SRPK2: variants seen among roughly 807,000 people sequenced by gnomAD.
SRPK2 encodes the protein SFRS protein kinase 2.
A neutral mutation model predicts 90.8 loss-of-function variants in SRPK2; 21 were observed. The observed-to-expected ratio is 0.23, with a 90% confidence interval of 0.16 to 0.33. SRPK2 has a LOEUF of 0.33. SRPK2 is among the 10% of genes least tolerant of loss of function. The probability of loss-of-function intolerance (pLI) is 1.00; values close to 1 mark genes in which losing one functional copy is unlikely to be tolerated. For missense variants in SRPK2, 620 were observed against 869.0 expected, an observed-to-expected ratio of 0.71 and a Z score of 3.60; for synonymous variants, 288 against 311.1, an observed-to-expected ratio of 0.93 and a Z score of 0.78.
At chr7:105,271,915 T>G (rs1351546432) in intron 2 of SRPK2, among the ~76,000 whole-genome samples, 3 of 152,214 alleles carry the variant, frequency 2.0e-5, no homozygotes, top group Non-Finnish European at 2.9e-5. Flanking sequence ...CCTGATAAAC[T>G]TAGAAACAAA....
At chr7:105,291,059 A>G (rs1448798774) in intron 2 of SRPK2, among the ~76,000 whole-genome samples, 3 of 151,158 alleles carry the variant, frequency 2.0e-5, no homozygotes, top group Non-Finnish European at 3.0e-5. Context: ...AAAAAAAAAA[A>G]AAAAAAGAAA....
chr7:105,373,271 C>G (rs949957145), intron 2 of SRPK2, among the ~76,000 whole-genome samples: 1 of 151,968 alleles, frequency 6.6e-6, no homozygotes, highest in African/African-American at 2.4e-5. Flanking sequence ...TATCTGAAGG[C>G]CATCAACGAT....
intron 3 of SRPK2, among the ~76,000 whole-genome samples, chr7:105,201,298 G>A (rs1294524833): frequency 6.6e-6 from 1 of 152,140 alleles, no homozygotes; most frequent in Non-Finnish European, 1.5e-5. Context: ...AAATTTGGGG[G>A]GGGCTGGCAC....
chr7:105,390,466 T>C (rs987690127), upstream of SRPK2, among the ~76,000 whole-genome samples: 3 of 152,166 alleles, frequency 2.0e-5, no homozygotes, highest in African/African-American at 7.2e-5. Flanking sequence ...TCTCACTCTA[T>C]CACCCAGGCT....
intron 3 of SRPK2, among the ~76,000 whole-genome samples, chr7:105,173,182 G>A (rs184335227): frequency 3.9e-5 from 6 of 152,068 alleles, no homozygotes; most frequent in Admixed American, 3.3e-4. Context: ...AGAGCAGCAC[G>A]AACAGGGCTT....
chr7:105,233,681 C>T (rs1357069866), intron 2 of SRPK2, among the ~76,000 whole-genome samples: 2 of 151,962 alleles, frequency 1.3e-5, no homozygotes, highest in African/African-American at 4.8e-5. Context: ...GATGAAATCC[C>T]GTCTCTACTA....
intron 11 of SRPK2, among the ~76,000 whole-genome samples, chr7:105,141,696 C>A (rs1266923987): frequency 6.6e-6 from 1 of 152,132 alleles, no homozygotes; most frequent in East Asian, 1.9e-4. Flanking sequence ...GAATTTTAAA[C>A]TAAACTACAC....
chr7:105,342,269 A>G (rs1413136796), intron 2 of SRPK2, among the ~76,000 whole-genome samples: 1 of 151,702 alleles, frequency 6.6e-6, no homozygotes, highest in Admixed American at 6.6e-5. Context: ...GGTTGCGGTG[A>G]GCCGAGATCG....
intron 13 of SRPK2, among the ~76,000 whole-genome samples, chr7:105,130,995 C>G (rs919813557): frequency 6.6e-6 from 1 of 152,138 alleles, no homozygotes; most frequent in Non-Finnish European, 1.5e-5. Flanking sequence ...AAGAAGTAAG[C>G]AGGACAGGGA....
chr7:105,290,257 A>G (rs1307830973), intron 2 of SRPK2, among the ~76,000 whole-genome samples: 2 of 151,658 alleles, frequency 1.3e-5, no homozygotes, highest in Middle Eastern at 3.4e-3. Context: ...CAAAATTTCC[A>G]TTTGTATTAA....
At chr7:105,395,365 CA>C (rs780058406) in intron 1 of SRPK2, among the ~76,000 whole-genome samples, 6 of 150,928 alleles carry the variant, frequency 4.0e-5, no homozygotes, top group African/African-American at 1.5e-4. Context: ...AAACTGAAAG[CA>C]AAAAAAATCA....
At chr7:105,328,590 C>T (rs1377275972) in intron 2 of SRPK2, among the ~76,000 whole-genome samples, 4 of 128,214 alleles carry the variant, frequency 3.1e-5, no homozygotes, top group Admixed American at 8.0e-5. Flanking sequence ...AAAGGCCAGG[C>T]GCAGTGGCTC....
At chr7:105,234,183 T>C (rs1456778405) in intron 2 of SRPK2, among the ~76,000 whole-genome samples, 3 of 152,160 alleles carry the variant, frequency 2.0e-5, no homozygotes, top group South Asian at 4.1e-4. Context: ...ATTTCAGTTA[T>C]GTAAAAAGAA....
intron 2 of SRPK2, among the ~76,000 whole-genome samples, chr7:105,369,310 C>A (rs1357721767): frequency 2.6e-5 from 4 of 151,960 alleles, no homozygotes; most frequent in Non-Finnish European, 5.9e-5. Context: ...CCAGGCCCAG[C>A]TAATTTTTTG....
intron 2 of SRPK2, among the ~76,000 whole-genome samples, chr7:105,326,934 G>A (rs1813658812): frequency 6.6e-6 from 1 of 151,928 alleles, no homozygotes; most frequent in Non-Finnish European, 1.5e-5. Context: ...GTGGTGGTGG[G>A]AGCCTGTAAT....
intron 2 of SRPK2, among the ~76,000 whole-genome samples, chr7:105,294,400 G>C (rs1809500480): frequency 6.6e-6 from 1 of 151,966 alleles, no homozygotes; most frequent in African/African-American, 2.4e-5. Flanking sequence ...CAGAGGTTTT[G>C]GTGAAAAAAA....
intron 2 of SRPK2, among the ~76,000 whole-genome samples, chr7:105,223,878 A>C (rs1424988006): frequency 1.3e-5 from 2 of 152,218 alleles, no homozygotes; most frequent in Admixed American, 1.3e-4. Flanking sequence ...GTTGTGTGTG[A>C]ACAGATCTGT....
intron 2 of SRPK2, among the ~76,000 whole-genome samples, chr7:105,300,137 C>CCG (rs1810348609): frequency 6.6e-6 from 1 of 151,018 alleles, no homozygotes; most frequent in African/African-American, 2.4e-5. Flanking sequence ...TCTGTAGGCC[C>CCG]CGCTACTCAG....
rs58319797 is a variant in SRPK2 at position 105,312,712 on chromosome 7, T to G, written c.71+75936A>C. On this transcript the variant is annotated intron_variant, in intron 2 of 15. Coordinates refer to ENST00000393651, the MANE Select transcript of SRPK2 (RefSeq NM_182692.3). ...TTGGAAGCCAGTAAATCAACTATTT[T>G]CAATGTGCTAAGCAAAAGGAAAGAA... Among the ~76,000 whole-genome samples the G allele has an allele frequency of 5.1e-3, 782 of 152,316 alleles. 12 individuals are homozygous for G. In the East Asian group the frequency reaches 0.055, roughly 11 times the overall value.
Sources: gnomAD v4.1 joint callset for allele counts (sites outside exome capture counted in the v4.1 genomes callset) on GRCh38, gnomAD v4.1.1 for gene constraint, MANE v1.5 for transcripts, NCBI Gene and HGNC (gene_info 2026-07-23, HGNC 2026-07-21) for gene names.